The following GABRB3 variants were observed in gnomAD, a reference collection of about 807,000 sequenced individuals.
GABRB3 encodes the protein gamma-aminobutyric acid receptor subunit beta-3.
Under a neutral mutation model 52.1 loss-of-function variants are expected in GABRB3, and 14 were observed. That is an observed-to-expected ratio of 0.27 (90% CI 0.18 to 0.42). The LOEUF is 0.42. Among genes scored for constraint, GABRB3 ranks in the 10% least tolerant of loss-of-function variants. The pLI is 1.00. For missense variants in GABRB3, 307 were observed against 609.1 expected (o/e 0.50, Z 5.22); for synonymous variants, 260 against 232.3 (o/e 1.12, Z -1.08).
Position 26,548,048 on chromosome 15 carries a change from C to T in GABRB3, c.1167G>A (p.Arg389=). ...NEVSGGIGDT[R]NSAISFDNSG... is the part of the protein sequence containing the mutation. ...AGTTGTCAAAGGATATTGCTGAATTCCTGGTATCGCCAATGCCGCCTGAGA... is the reference window on the plus strand; with the variant it reads ...AGTTGTCAAAGGATATTGCTGAATTTCTGGTATCGCCAATGCCGCCTGAGA... Residue 389 remains arginine (R), a synonymous_variant, in exon 9 of 9, where the codon AGG becomes AGA. Transcript: ENST00000311550. The T allele has an allele frequency of 6.2e-7, 1 of 1,614,150 alleles. No homozygotes were observed. The highest frequency in any genetic ancestry group is 8.5e-7 in the Non-Finnish European group (1 of 1,180,012).
intron 3 of GABRB3, among the ~76,000 whole-genome samples, chr15:26,686,427 GT>G (rs1888408085): frequency 6.6e-6 from 1 of 152,294 alleles, no homozygotes; most frequent in South Asian, 2.1e-4. Context: ...CCCTCACAAA[GT>G]GATACTGATA....
intron 3 of GABRB3, among the ~76,000 whole-genome samples, chr15:26,640,557 C>A (rs2140571341): frequency 6.6e-6 from 1 of 152,284 alleles, no homozygotes; most frequent in African/African-American, 2.4e-5. Flanking sequence ...CACCATGGCA[C>A]TGGTTAAAGC....
chr15:26,660,400 A>T (rs1425653283), intron 3 of GABRB3, among the ~76,000 whole-genome samples: 1 of 152,190 alleles, frequency 6.6e-6, no homozygotes, highest in Admixed American at 6.5e-5. Flanking sequence ...ATGGTGAGGG[A>T]TTTCTGAAAT....
At chr15:26,612,848 T>A (rs1036912408) in intron 4 of GABRB3, 1 of 152,246 alleles carries the variant, frequency 6.6e-6, no homozygotes, top group Non-Finnish European at 1.5e-5. Context: ...GCATGGTGGC[T>A]CATGCCTATA....
intron 3 of GABRB3, among the ~76,000 whole-genome samples, chr15:26,664,017 C>G (rs959301873): frequency 1.3e-5 from 2 of 152,280 alleles, no homozygotes; most frequent in Admixed American, 1.3e-4. Flanking sequence ...ATTCTCCCAT[C>G]TTTTAAAATA....
At chr15:26,751,077 TAAC>T (rs753742304) in intron 3 of GABRB3, among the ~76,000 whole-genome samples, 54 of 152,332 alleles carry the variant, frequency 3.5e-4, no homozygotes, top group East Asian at 3.1e-3. Flanking sequence ...TCTTTCCAGA[TAAC>T]AAAAGATTGA....
At chr15:26,740,870 A>G (rs1890186710) in intron 3 of GABRB3, among the ~76,000 whole-genome samples, 2 of 152,114 alleles carry the variant, frequency 1.3e-5, no homozygotes, top group Non-Finnish European at 2.9e-5. Context: ...ATGTGCCATA[A>G]GACACCTCCC....
At position 26,735,434 on chromosome 15, in the gene GABRB3, CG is replaced by C. The variant is rs139212039; in HGVS notation, c.240+36967del. 9.4e-3 allele frequency among the ~76,000 whole-genome samples: 1,434 copies of C among 152,308 alleles called. 33 individuals carry two copies. The highest frequency in any genetic ancestry group is 0.033 in the African/African-American group (1,368 of 41,548). On this transcript the variant is annotated intron_variant, in intron 3 of 8. Coordinates refer to ENST00000311550, the MANE Select transcript of GABRB3 (RefSeq NM_000814.6). Reference sequence around the variant, plus strand: ...TTCTGGGAATCCCACCCAAAAGAATCGGAAGCAAGTTTGCAAAAAGATAGTT... The same window carrying C: ...TTCTGGGAATCCCACCCAAAAGAATCGAAGCAAGTTTGCAAAAAGATAGTT...
intron 8 of GABRB3, among the ~76,000 whole-genome samples, chr15:26,549,895 T>C (rs1595430333): frequency 6.6e-6 from 1 of 152,162 alleles, no homozygotes; most frequent in South Asian, 2.1e-4. Flanking sequence ...TCCTTGCCAG[T>C]TGACTTGCAA....
chr15:26,551,572 G>A lies in GABRB3; in HGVS notation c.1081-3438C>T, dbSNP rs77246051. On this transcript the variant is annotated intron_variant, in intron 8 of 8. Coordinates refer to ENST00000311550, the MANE Select transcript of GABRB3 (RefSeq NM_000814.6). The stretch of plus-strand genomic sequence containing the variant: ...TCACTCAGCACTCCAATCCCACCCC[G>A]GCCCATGCACTCCTGTCCCCTGTGA... Among the ~76,000 whole-genome samples, 1,330 of 152,240 alleles carry A rather than the reference G, an allele frequency of 8.7e-3. 25 individuals are homozygous for A. Among genetic ancestry groups the A allele is most frequent in the African/African-American group, 0.026 (1,072 of 41,548 alleles).
At chr15:26,713,029 T>C (rs1477587328) in intron 3 of GABRB3, among the ~76,000 whole-genome samples, 1 of 152,100 alleles carries the variant, frequency 6.6e-6, no homozygotes, top group Non-Finnish European at 1.5e-5. Flanking sequence ...ATGGGGGAGT[T>C]CCAGGGTCAG....
chr15:26,580,723 G>A (rs925010748), intron 5 of GABRB3: 15 of 525,726 alleles, frequency 2.9e-5, no homozygotes, highest in East Asian at 1.1e-4. Flanking sequence ...TTTGCGAAGT[G>A]TAACTTCAGA....
chr15:26,756,007 C>G (rs998279831), intron 3 of GABRB3, among the ~76,000 whole-genome samples: 2 of 151,832 alleles, frequency 1.3e-5, no homozygotes, highest in African/African-American at 4.9e-5. Flanking sequence ...ACAAGAGTAT[C>G]TATAATATAA....
chr15:26,625,335 C>T (rs947208380), intron 3 of GABRB3: 3 of 376,884 alleles, frequency 8.0e-6, no homozygotes, highest in Non-Finnish European at 1.1e-5. Context: ...CAACCCATCG[C>T]CAAACATTTA....
chr15:26,740,453 G>A (rs1289360194), intron 3 of GABRB3, among the ~76,000 whole-genome samples: 2 of 152,004 alleles, frequency 1.3e-5, no homozygotes, highest in Non-Finnish European at 2.9e-5. Flanking sequence ...GTGAGGACCT[G>A]GGGACTGGGC....
At chr15:26,658,170 T>C (rs974051377) in intron 3 of GABRB3, among the ~76,000 whole-genome samples, 2 of 152,124 alleles carry the variant, frequency 1.3e-5, no homozygotes, top group Non-Finnish European at 2.9e-5. Flanking sequence ...CACTCAGGAA[T>C]GAAAAACAAG....
chr15:26,666,442 A>T (rs1887713280), intron 3 of GABRB3: 1 of 152,190 alleles, frequency 6.6e-6, no homozygotes, highest in Non-Finnish European at 1.5e-5. Context: ...GTGGTGAAGT[A>T]AGGGGAGGCC....
chr15:26,734,310 C>T lies in GABRB3; in HGVS notation c.240+38092G>A, dbSNP rs574172385. Among the ~76,000 whole-genome samples, 17 of 152,062 alleles carry T rather than the reference C, an allele frequency of 1.1e-4. No individual in the cohort carries two copies. In the South Asian group the frequency reaches 3.5e-3, roughly 32 times the overall value. ...CCTCCCAAAGTCCTGGGATTACAGG[C>T]ATGAGCCACCATACCTGGACAAAAC... On this transcript the variant is annotated intron_variant, in intron 3 of 8. Coordinates refer to ENST00000311550, the MANE Select transcript of GABRB3 (RefSeq NM_000814.6).
rs569898716 is a variant in GABRB3 at position 26,646,877 on chromosome 15, T to C, written c.241-25343A>G. Among the ~76,000 whole-genome samples the C allele has an allele frequency of 2.0e-5, 3 of 152,284 alleles. No individual in the cohort carries two copies. In the East Asian group the frequency reaches 5.8e-4, roughly 30 times the overall value. On this transcript the variant is annotated intron_variant, in intron 3 of 8. Coordinates refer to ENST00000311550, the MANE Select transcript of GABRB3 (RefSeq NM_000814.6). ...GTTTGTTTTTGAGATGGAGTCTTGC[T>C]CTGTCGCCCAGGCTGGAGTGCAGTG...
Sources: gnomAD v4.1 joint callset for allele counts (sites outside exome capture counted in the v4.1 genomes callset) on GRCh38, gnomAD v4.1.1 for gene constraint, MANE v1.5 for transcripts, NCBI Gene and HGNC (gene_info 2026-07-23, HGNC 2026-07-21) for gene names.